Variants in SCAPER observed in about 807,000 individuals in gnomAD.
The protein encoded by SCAPER is S phase cyclin A-associated protein in the endoplasmic reticulum.
In SCAPER, 98 loss-of-function variants were observed where a neutral mutation model predicts 182.2. That is an observed-to-expected ratio of 0.54 (90% CI 0.46 to 0.64). The LOEUF (loss-of-function observed/expected upper bound fraction) is 0.64, where lower values mean the gene tolerates loss of function less well. SCAPER is among the 30% of genes least tolerant of loss of function. SCAPER has a pLI of 0.00. For missense variants in SCAPER, 1,432 were observed against 1,690.0 expected (o/e 0.85, Z 2.68); for synonymous variants, 605 against 564.6 (o/e 1.07, Z -1.01).
intron 22 of SCAPER, among the ~76,000 whole-genome samples, chr15:76,611,496 T>C (rs753241554): frequency 6.6e-5 from 10 of 152,152 alleles, no homozygotes; most frequent in African/African-American, 1.4e-4. Context: ...GTCTAACAGA[T>C]GTACAAAGAA....
intron 23 of SCAPER, among the ~76,000 whole-genome samples, chr15:76,570,218 T>C (rs1199345681): frequency 2.0e-5 from 3 of 152,294 alleles, no homozygotes; most frequent in Non-Finnish European, 4.4e-5. Flanking sequence ...ACTGGTGTAC[T>C]TCCTGTCTAC....
At chr15:76,724,325 C>G (rs2060458285) in intron 17 of SCAPER, among the ~76,000 whole-genome samples, 1 of 152,108 alleles carries the variant, frequency 6.6e-6, no homozygotes, top group Non-Finnish European at 1.5e-5. Context: ...CCCTTTGTGG[C>G]TAACCCAACC....
At chr15:76,574,107 G>A in intron 23 of SCAPER, 51 bp downstream of exon 23, 1 of 1,553,606 alleles carries the variant, frequency 6.4e-7, no homozygotes, top group Non-Finnish European at 8.7e-7. Flanking sequence ...CTGTCATAGT[G>A]AGAAAGGATC....
At chr15:76,679,886 T>A (rs1242193973) in intron 20 of SCAPER, among the ~76,000 whole-genome samples, 1 of 152,206 alleles carries the variant, frequency 6.6e-6, no homozygotes, top group African/African-American at 2.4e-5. Context: ...TATTAATTTA[T>A]CATGCTGTGA....
At chr15:76,609,500 T>TA (rs558280212) in intron 22 of SCAPER, among the ~76,000 whole-genome samples, 29 of 150,252 alleles carry the variant, frequency 1.9e-4, no homozygotes, top group African/African-American at 3.2e-4. Context: ...AGGTGTCACT[T>TA]AAAAAAAAAA....
intron 29 of SCAPER, among the ~76,000 whole-genome samples, chr15:76,374,778 C>T (rs368018124): frequency 7.3e-5 from 11 of 151,232 alleles, no homozygotes; most frequent in South Asian, 2.1e-4. Flanking sequence ...TGAACCACTG[C>T]GCCCGGCCAA....
chr15:76,652,273 A>AAAAAATATATAT (rs1207156993), intron 21 of SCAPER, among the ~76,000 whole-genome samples: 1 of 12,868 alleles, frequency 7.8e-5, no homozygotes, highest in Admixed American at 1.5e-3. Flanking sequence ...AAAAAAAAAA[A>AAAAAATATATAT]ATATATATAT....
intron 23 of SCAPER, among the ~76,000 whole-genome samples, chr15:76,506,590 A>C (rs879617324): frequency 6.6e-6 from 1 of 152,138 alleles, no homozygotes; most frequent in Non-Finnish European, 1.5e-5. Context: ...GTTTTAAGAC[A>C]TGTAAAAGAA....
intron 1 of SCAPER, among the ~76,000 whole-genome samples, chr15:76,890,148 T>G (rs2074083038): frequency 6.6e-6 from 1 of 152,184 alleles, no homozygotes; most frequent in Non-Finnish European, 1.5e-5. Context: ...TACCAGAATC[T>G]CTAGGACACA....
intron 26 of SCAPER, among the ~76,000 whole-genome samples, chr15:76,410,167 A>C (rs2045187097): frequency 6.6e-6 from 1 of 152,184 alleles, no homozygotes; most frequent in South Asian, 2.1e-4. Context: ...GGGCACCCCT[A>C]TATTTGTATG....
At chr15:76,480,094 G>A (rs2050984671) in intron 24 of SCAPER, among the ~76,000 whole-genome samples, 1 of 152,162 alleles carries the variant, frequency 6.6e-6, no homozygotes, top group Admixed American at 6.5e-5. Flanking sequence ...AGTTTATATA[G>A]TATTAGTTTG....
Position 76,504,723 on chromosome 15 carries a change from C to T in SCAPER, c.2954+136G>A, listed in dbSNP as rs190675910. ...ACGTTGAGCACCTCTGTTTTTCTCC[C>T]TAATGGGGAGTGTAAGATTTTGGTA... On this transcript the variant is annotated intron_variant, in intron 24 of 31. Coordinates refer to ENST00000563290, the MANE Select transcript of SCAPER (RefSeq NM_020843.4). The T allele has an allele frequency of 1.4e-3, 933 of 644,916 alleles. 19 individuals are homozygous for T. The South Asian group carries it at 0.019, about 13-fold the overall frequency. The allele number at this position is 644,916 out of a possible 1,614,324, so 39.9% of individuals were successfully genotyped here. A position where few individuals can be genotyped will look rare whatever the true frequency, so the allele number is the denominator to read the frequency against.
At chr15:76,396,201 G>A (rs563676379) in intron 27 of SCAPER, among the ~76,000 whole-genome samples, 1 of 152,210 alleles carries the variant, frequency 6.6e-6, no homozygotes, top group African/African-American at 2.4e-5. Context: ...CTGTTTTTAT[G>A]CCAGTACCAT....
chr15:76,504,019 TG>T (rs2041369052), intron 24 of SCAPER, among the ~76,000 whole-genome samples: 2 of 152,044 alleles, frequency 1.3e-5, no homozygotes, highest in African/African-American at 2.4e-5. Flanking sequence ...CCTGAGTAGC[TG>T]GGACTACAGG....
chr15:76,591,602 C>T (rs1298251472), intron 22 of SCAPER, among the ~76,000 whole-genome samples: 1 of 152,170 alleles, frequency 6.6e-6, no homozygotes, highest in Non-Finnish European at 1.5e-5. Context: ...GCTGGGATTA[C>T]TGGCACATGT....
intron 4 of SCAPER, among the ~76,000 whole-genome samples, chr15:76,845,615 A>C (rs760361850): frequency 1.3e-5 from 2 of 152,122 alleles, no homozygotes; most frequent in Non-Finnish European, 2.9e-5. Flanking sequence ...CAGTAGACAC[A>C]AATAAAATTA....
rs1035858420 is a variant in SCAPER, at chr15:76,498,811, G to T, written c.2954+6048C>A. Among the ~76,000 whole-genome samples the T allele has an allele frequency of 7.2e-5, 11 of 152,248 alleles. No homozygotes were observed. The East Asian group carries it at 2.1e-3, about 29-fold the overall frequency. On this transcript the variant is annotated intron_variant, in intron 24 of 31. Transcript: ENST00000563290. ...TTGGAGAATAAATTTGTGATATCTT[G>T]TAAATGATCTTCCTAGTGAACAAAG...
intron 23 of SCAPER, among the ~76,000 whole-genome samples, chr15:76,508,204 G>A (rs778988029): frequency 1.3e-5 from 2 of 151,878 alleles, no homozygotes; most frequent in African/African-American, 2.4e-5. Flanking sequence ...TTGGTTGATT[G>A]CTTATTTCTA....
intron 23 of SCAPER, among the ~76,000 whole-genome samples, chr15:76,559,095 C>T (rs1418077657): frequency 2.0e-5 from 3 of 151,440 alleles, no homozygotes; most frequent in African/African-American, 7.3e-5. Context: ...CATGCAGTGG[C>T]GTGATCTCAG....
Sources: allele counts gnomAD v4.1 joint callset (sites outside exome capture counted in the v4.1 genomes callset), GRCh38; gene constraint gnomAD v4.1.1; transcripts MANE v1.5; gene names NCBI Gene and HGNC (gene_info 2026-07-23, HGNC 2026-07-21).